Variants in SLIT1 observed in about 807,000 individuals in gnomAD.
SLIT1 encodes the protein slit guidance ligand 1.
SLIT1 carries 66 observed loss-of-function variants against 186.1 expected under a neutral mutation model. That is an observed-to-expected ratio of 0.35 (90% CI 0.29 to 0.44). SLIT1 has a LOEUF of 0.44. Among genes scored for constraint, SLIT1 ranks in the 20% least tolerant of loss-of-function variants. The pLI is 1.00. For synonymous variants in SLIT1, 761 were observed against 833.8 expected, an observed-to-expected ratio of 0.91 and a Z score of 1.50; for missense variants, 1,638 against 2,037.4, an observed-to-expected ratio of 0.80 and a Z score of 3.77.
At chr10:97,161,932 G>C (rs1318135458) in intron 3 of SLIT1, among the ~76,000 whole-genome samples, 1 of 152,148 alleles carries the variant, frequency 6.6e-6, no homozygotes, top group Non-Finnish European at 1.5e-5. Flanking sequence ...ATACTACTTA[G>C]AGCAGTGTTG....
chr10:97,028,744 T>G lies in SLIT1; in HGVS notation c.2582+2013A>C, dbSNP rs115138462. The stretch of plus-strand genomic sequence containing the variant: ...CAGAAACCTTGTGTTAGTAAATTCT[T>G]CAGCACTAGAGTCACTCTGGTTACC... On this transcript the variant is annotated intron_variant, in intron 25 of 36. Coordinates refer to ENST00000266058, the MANE Select transcript of SLIT1 (RefSeq NM_003061.3). Among the ~76,000 whole-genome samples, 1,139 of 152,318 alleles carry G rather than the reference T, an allele frequency of 7.5e-3. 17 individuals are homozygous for G. Among genetic ancestry groups the G allele is most frequent in the African/African-American group, 0.026 (1,093 of 41,572 alleles).
chr10:97,082,102 G>A (rs894353083), intron 4 of SLIT1, among the ~76,000 whole-genome samples: 10 of 152,220 alleles, frequency 6.6e-5, no homozygotes, highest in African/African-American at 9.6e-5. Context: ...CTTCTATATG[G>A]GGTGAAGCTG....
At chr10:97,086,272 T>TA (rs113417708) in intron 4 of SLIT1, among the ~76,000 whole-genome samples, 1 of 152,086 alleles carries the variant, frequency 6.6e-6, no homozygotes, top group African/African-American at 2.4e-5. Context: ...TATTCAGTGA[T>TA]AAAAAGAAAT....
chr10:97,027,954 T>C (rs1848560809), intron 25 of SLIT1, among the ~76,000 whole-genome samples: 1 of 152,122 alleles, frequency 6.6e-6, no homozygotes, highest in African/African-American at 2.4e-5. Flanking sequence ...GACTAGATGC[T>C]GAAAAGGCTA....
chr10:97,162,812 C>A (rs1207822195), intron 3 of SLIT1, among the ~76,000 whole-genome samples: 1 of 151,742 alleles, frequency 6.6e-6, no homozygotes, highest in South Asian at 2.1e-4. Flanking sequence ...CATCCCCCAC[C>A]TCACCCCACT....
intron 4 of SLIT1, among the ~76,000 whole-genome samples, chr10:97,079,345 T>G (rs754847091): frequency 1.3e-5 from 2 of 152,226 alleles, no homozygotes; most frequent in Non-Finnish European, 2.9e-5. Context: ...CTTTTTGATC[T>G]GGTGCTGGTT....
chr10:97,166,986 C>CT (rs1178583007), intron 1 of SLIT1, among the ~76,000 whole-genome samples: 30 of 152,186 alleles, frequency 2.0e-4, no homozygotes, highest in Non-Finnish European at 2.8e-4. Flanking sequence ...AACGCATCCT[C>CT]CCGCTGTCTG....
In SLIT1 at chr10:97,004,768, A is replaced by G; in HGVS notation, c.3635T>C (p.Ile1212Thr). Residue 1212 changes from isoleucine to threonine, a missense_variant, in exon 33 of 37, where the codon ATT becomes ACT. Transcript: ENST00000266058. The surrounding 1 kb of genome is among the most constrained non-coding windows in gnomAD (Gnocchi z 5.1). ...ATGGCCCTGGTACAGCTCAACTGCA[A>G]TGTGGTCGTTGTCCCCGTTGTACAG... ...ILLYNGDNDH[I>T]AVELYQGHVR... The G allele has an allele frequency of 6.2e-7, 1 of 1,614,116 alleles. No homozygotes were observed. The highest frequency in any genetic ancestry group is 8.5e-7 in the Non-Finnish European group (1 of 1,179,986).
In SLIT1 at chr10:97,022,588, C is replaced by T. The variant is rs1848511268; in HGVS notation, c.2583-1175G>A. On this transcript the variant is annotated intron_variant, in intron 25 of 36. Transcript: ENST00000266058. The surrounding 1 kb of genome is among the most constrained non-coding windows in gnomAD (Gnocchi z 4.2). ...TTATGCAATTGCCTTCTGATCCAGCCATTGTTTCTGGGCGTTTACCTGTAG... is the reference window on the plus strand; with the variant it reads ...TTATGCAATTGCCTTCTGATCCAGCTATTGTTTCTGGGCGTTTACCTGTAG... Among the ~76,000 whole-genome samples the T allele has an allele frequency of 6.6e-6, 1 of 152,186 alleles. No homozygotes were observed. Among genetic ancestry groups the T allele is most frequent in the African/African-American group, 2.4e-5 (1 of 41,438 alleles).
intron 1 of SLIT1, among the ~76,000 whole-genome samples, chr10:97,180,382 G>C (rs879537524): frequency 6.6e-6 from 1 of 152,196 alleles, no homozygotes; most frequent in African/African-American, 2.4e-5. Flanking sequence ...AGGAAATGGG[G>C]GTTCTGAGAA....
chr10:97,166,593 A>G (rs1850117673), intron 1 of SLIT1, among the ~76,000 whole-genome samples: 2 of 92,904 alleles, frequency 2.2e-5, no homozygotes, highest in Non-Finnish European at 2.2e-5. Flanking sequence ...GAAAGAAAGA[A>G]AGAAAGAAAG....
chr10:97,005,139 T>G (rs1459375081), intron 32 of SLIT1, among the ~76,000 whole-genome samples: 1 of 152,084 alleles, frequency 6.6e-6, no homozygotes, highest in Non-Finnish European at 1.5e-5. Flanking sequence ...GAGAGGAAAA[T>G]TAGACTGGGA....
intron 24 of SLIT1, 86 bp from the exon 25 acceptor site, chr10:97,030,914 A>G: frequency 3.3e-6 from 4 of 1,195,756 alleles, no homozygotes; most frequent in South Asian, 1.3e-5. Context: ...CTCTGCAGAG[A>G]GGGGACAGGC....
chr10:97,106,702 C>T (rs1392296254), intron 4 of SLIT1, among the ~76,000 whole-genome samples: 1 of 150,630 alleles, frequency 6.6e-6, no homozygotes, highest in Non-Finnish European at 1.5e-5. Flanking sequence ...CAGGAATCTA[C>T]AGACCAGGGA....
chr10:97,052,088 CG>C (rs146976443), intron 13 of SLIT1, among the ~76,000 whole-genome samples: 8,254 of 140,084 alleles, frequency 0.059, 355 homozygotes, highest in South Asian at 0.13. Flanking sequence ...TTGTATGATT[CG>C]GTTTTTTTTT....
chr10:97,177,837 A>C (rs1015020476), intron 1 of SLIT1, among the ~76,000 whole-genome samples: 1 of 152,110 alleles, frequency 6.6e-6, no homozygotes, highest in Non-Finnish European at 1.5e-5. Flanking sequence ...TTAGCCAGAC[A>C]TGGTGGTAGG....
chr10:97,067,596 GC>G (rs1268813090), intron 4 of SLIT1, among the ~76,000 whole-genome samples: 1 of 152,220 alleles, frequency 6.6e-6, no homozygotes, highest in Non-Finnish European at 1.5e-5. Flanking sequence ...AGGTCCCAGA[GC>G]CCTGGCTTGT....
At chr10:97,076,303 C>T (rs772310789) in intron 4 of SLIT1, among the ~76,000 whole-genome samples, 3 of 152,116 alleles carry the variant, frequency 2.0e-5, no homozygotes, top group Non-Finnish European at 2.9e-5. Context: ...GAGACAGACT[C>T]CTAAGGACTG....
chr10:97,008,936 G>A (rs7909422), intron 31 of SLIT1, among the ~76,000 whole-genome samples: 19,824 of 151,676 alleles, frequency 0.13, 1,651 homozygotes, highest in East Asian at 0.41. Flanking sequence ...CTGGAGTGCA[G>A]TGGCACGATC....
Sources: gnomAD v4.1 joint callset for allele counts (sites outside exome capture counted in the v4.1 genomes callset) on GRCh38, gnomAD v4.1.1 for gene constraint, Gnocchi (gnomAD v3.1) non-coding constraint, MANE v1.5 for transcripts, NCBI Gene and HGNC (gene_info 2026-07-23, HGNC 2026-07-21) for gene names.